The following NRG4 variants were observed in gnomAD, a reference collection of about 807,000 sequenced individuals.
NRG4 encodes neuregulin 4.
Under a neutral mutation model 15.0 loss-of-function variants are expected in NRG4, and 10 were observed. The ratio of observed to expected loss-of-function variants is 0.67; its 90% confidence interval spans 0.41 to 1.13. The LOEUF is 1.13. Among genes scored for constraint, NRG4 ranks in the 50% most tolerant of loss-of-function variants. The pLI is 0.00. For missense variants in NRG4, 139 were observed against 140.2 expected (o/e 0.99, Z 0.04); for synonymous variants, 41 against 50.1 (o/e 0.82, Z 0.77).
At chr15:75,967,714 G>A (rs747544006) in intron 3 of NRG4, among the ~76,000 whole-genome samples, 2 of 151,944 alleles carry the variant, frequency 1.3e-5, no homozygotes, top group East Asian at 1.9e-4. Context: ...TGCCCACCTC[G>A]GCATCCCAAA....
chr15:75,997,051 C>T (rs754131256), intron 3 of NRG4, among the ~76,000 whole-genome samples: 24 of 151,810 alleles, frequency 1.6e-4, no homozygotes, highest in Non-Finnish European at 3.1e-4. Context: ...CACTATAATA[C>T]TTAGTAGACT....
intron 3 of NRG4, among the ~76,000 whole-genome samples, chr15:75,985,935 A>T (rs2033784184): frequency 6.6e-6 from 1 of 152,216 alleles, no homozygotes; most frequent in Non-Finnish European, 1.5e-5. Context: ...TAGTATCTTT[A>T]TTATATAAAC....
At chr15:75,967,064 A>T (rs1292802773) in intron 3 of NRG4, among the ~76,000 whole-genome samples, 1 of 146,456 alleles carries the variant, frequency 6.8e-6, no homozygotes, top group African/African-American at 2.5e-5. Context: ...CAGTGAGCTG[A>T]GATCGCGCCG....
chr15:76,059,717 C>G (rs1014422636), exon 1 of NRG4: 1 of 151,676 alleles, frequency 6.6e-6, no homozygotes, highest in Non-Finnish European at 1.5e-5. Context: ...GCCTCCGCCC[C>G]CTGCCCAGCT....
rs543491107 is a variant in NRG4 at position 75,946,484 on chromosome 15, A to G, written c.332-2830T>C. On this transcript the variant is annotated intron_variant, in intron 5 of 5. Transcript: ENST00000394907. ...GCCATTTTCCTGCCTCAGCCTCCCAAGTAGCTGGGACTACAGGTGCCCGCC... is the reference window on the plus strand; with the variant it reads ...GCCATTTTCCTGCCTCAGCCTCCCAGGTAGCTGGGACTACAGGTGCCCGCC... 1.6e-3 allele frequency among the ~76,000 whole-genome samples: 244 copies of G among 152,196 alleles called. 2 individuals carry two copies. The highest frequency in any genetic ancestry group is 5.7e-3 in the African/African-American group (238 of 41,518).
At chr15:76,021,228 G>A (rs2035142600) in intron 5 of NRG4, among the ~76,000 whole-genome samples, 1 of 152,176 alleles carries the variant, frequency 6.6e-6, no homozygotes, top group Non-Finnish European at 1.5e-5. Context: ...TCTGTTTACA[G>A]CATGGTTGAC....
upstream of NRG4, among the ~76,000 whole-genome samples, chr15:76,012,614 T>TAA: frequency 6.6e-6 from 1 of 152,146 alleles, no homozygotes. Context: ...GTTTTAAAGG[T>TAA]AAAAACCAAA....
At chr15:75,946,595 G>A (rs1478679219) in intron 5 of NRG4, among the ~76,000 whole-genome samples, 2 of 152,100 alleles carry the variant, frequency 1.3e-5, no homozygotes, top group African/African-American at 4.8e-5. Context: ...TCCTGACCTC[G>A]TGATCCGCCT....
intron 3 of NRG4, among the ~76,000 whole-genome samples, chr15:75,991,910 C>A (rs1044436645): frequency 6.6e-6 from 1 of 152,104 alleles, no homozygotes; most frequent in African/African-American, 2.4e-5. Flanking sequence ...GGTCTACCAT[C>A]CCACTGTTTC....
intron 4 of NRG4, among the ~76,000 whole-genome samples, chr15:76,040,589 C>T (rs2035711352): frequency 6.6e-6 from 1 of 152,100 alleles, no homozygotes; most frequent in African/African-American, 2.4e-5. Flanking sequence ...AACTGTTATC[C>T]TAAATAGAAA....
At chr15:76,050,558 G>GT (rs1445634447) in intron 4 of NRG4, among the ~76,000 whole-genome samples, 1 of 138,100 alleles carries the variant, frequency 7.2e-6, no homozygotes, top group Admixed American at 7.5e-5. Flanking sequence ...AGCCTCCCAA[G>GT]TAGCTGGGAT....
At chr15:76,008,705 C>T (rs1326968238) in intron 3 of NRG4, among the ~76,000 whole-genome samples, 1 of 152,080 alleles carries the variant, frequency 6.6e-6, no homozygotes, top group African/African-American at 2.4e-5. Flanking sequence ...CTAAGATACC[C>T]TTCTTTTTTA....
intron 5 of NRG4, among the ~76,000 whole-genome samples, chr15:75,953,716 G>A (rs2032048202): frequency 6.6e-6 from 1 of 152,156 alleles, no homozygotes; most frequent in South Asian, 2.1e-4. Flanking sequence ...GTGTCTTGGT[G>A]TATTACTACT....
At chr15:75,936,316 A>C (rs1223164074), downstream of NRG4, 3 of 152,218 alleles carry the variant, frequency 2.0e-5, no homozygotes, top group Non-Finnish European at 4.4e-5. Flanking sequence ...AAATCCTAAA[A>C]TAATAAAATA....
At chr15:75,984,593 C>T (rs2033724360) in intron 3 of NRG4, among the ~76,000 whole-genome samples, 1 of 152,046 alleles carries the variant, frequency 6.6e-6, no homozygotes, top group Non-Finnish European at 1.5e-5. Flanking sequence ...ACAATAAGAA[C>T]ACACGGACAC....
intron 3 of NRG4, among the ~76,000 whole-genome samples, chr15:75,989,874 T>C (rs1329430500): frequency 6.6e-6 from 1 of 152,218 alleles, no homozygotes; most frequent in Non-Finnish European, 1.5e-5. Context: ...TGTCTTTGTT[T>C]AAAGAGCATT....
rs574731474 is a variant in NRG4 at position 76,022,340 on chromosome 15, TA to T, written c.-56-11055del. 1.4e-3 allele frequency among the ~76,000 whole-genome samples: 217 copies of T among 152,326 alleles called. 1 individual carries two copies. The highest frequency in any genetic ancestry group is 4.7e-3 in the African/African-American group (197 of 41,566). On this transcript the variant is annotated intron_variant, in intron 5 of 8. Transcript: ENST00000563910. ...CAAAAATGTTTTAGGCTGATTCATA[TA>T]AAGCATATTTTGACTTATACAAATG...
At chr15:76,018,827 C>T (rs2035065570) in intron 5 of NRG4, among the ~76,000 whole-genome samples, 1 of 152,154 alleles carries the variant, frequency 6.6e-6, no homozygotes, top group Non-Finnish European at 1.5e-5. Flanking sequence ...CTTGAGGAGG[C>T]AGTCCTCCCT....
intron 4 of NRG4, among the ~76,000 whole-genome samples, 195 bp downstream of exon 4, chr15:75,961,633 T>C (rs1199084673): frequency 6.6e-6 from 1 of 152,132 alleles, no homozygotes; most frequent in Non-Finnish European, 1.5e-5. Context: ...TTGACAACAG[T>C]AACAAAGAAC....
Sources: gnomAD v4.1 joint callset for allele counts (sites outside exome capture counted in the v4.1 genomes callset) on GRCh38, gnomAD v4.1.1 for gene constraint, MANE v1.5 for transcripts, NCBI Gene and HGNC (gene_info 2026-07-23, HGNC 2026-07-21) for gene names.